KSR2: variants seen among roughly 807,000 people sequenced by gnomAD.
KSR2 encodes kinase suppressor of ras 2.
Under a neutral mutation model 107.8 loss-of-function variants are expected in KSR2, and 25 were observed. The ratio of observed to expected loss-of-function variants is 0.23; its 90% confidence interval spans 0.17 to 0.32. The LOEUF (loss-of-function observed/expected upper bound fraction) is 0.32. Among genes scored for constraint, KSR2 ranks in the 10% least tolerant of loss-of-function variants. KSR2 has a pLI of 1.00. For synonymous variants in KSR2, 480 were observed against 507.0 expected (o/e 0.95, Z 0.71); for missense variants, 887 against 1,268.9 (o/e 0.70, Z 4.57).
At chr12:117,688,520 C>A (rs61937662) in intron 4 of KSR2, among the ~76,000 whole-genome samples, 15,089 of 152,250 alleles carry the variant, frequency 0.099, 935 homozygotes, top group East Asian at 0.25. Flanking sequence ...CTCCCCAGAA[C>A]CACTCTCTGC....
At chr12:117,883,931 T>G (rs923650447) in intron 1 of KSR2, among the ~76,000 whole-genome samples, 4 of 147,226 alleles carry the variant, frequency 2.7e-5, no homozygotes, top group African/African-American at 1.0e-4. Context: ...AGGGGCTGGG[T>G]CAAGTAGAAC....
chr12:117,759,165 T>C (rs928408436), intron 4 of KSR2, among the ~76,000 whole-genome samples: 3 of 152,232 alleles, frequency 2.0e-5, no homozygotes, highest in Non-Finnish European at 4.4e-5. Flanking sequence ...CGTCAATCAC[T>C]GTAGGGCATT....
chr12:117,699,226 A>G (rs1042829156), intron 4 of KSR2, among the ~76,000 whole-genome samples: 11 of 152,242 alleles, frequency 7.2e-5, no homozygotes, highest in Non-Finnish European at 1.3e-4. Context: ...TCAGCATTCA[A>G]TAAATACCTC....
chr12:117,779,599 G>A (rs1330009443), intron 3 of KSR2, among the ~76,000 whole-genome samples: 2 of 152,148 alleles, frequency 1.3e-5, no homozygotes, highest in African/African-American at 4.8e-5. Flanking sequence ...CTGGTGGGAG[G>A]TGATTGGATC....
At chr12:117,527,326 G>T (rs7308318) in intron 12 of KSR2, among the ~76,000 whole-genome samples, 1 of 71,540 alleles carries the variant, frequency 1.4e-5, no homozygotes, top group African/African-American at 5.5e-5. Context: ...CACACACACA[G>T]ACACACACAC....
chr12:117,583,409 A>G (rs919328060), intron 5 of KSR2, among the ~76,000 whole-genome samples: 3 of 2,992 alleles, frequency 1.0e-3, no homozygotes, highest in Non-Finnish European at 1.5e-3. Context: ...GAGTGAGTGG[A>G]TGGATGGATG....
At chr12:117,749,026 T>A (rs1232492557) in intron 4 of KSR2, among the ~76,000 whole-genome samples, 2 of 150,776 alleles carry the variant, frequency 1.3e-5, no homozygotes, top group Non-Finnish European at 2.9e-5. Flanking sequence ...CACTAGCTCT[T>A]GTCCTTCAGC....
intron 1 of KSR2, among the ~76,000 whole-genome samples, chr12:117,905,419 C>T (rs1032181970): frequency 6.6e-6 from 1 of 152,024 alleles, no homozygotes; most frequent in Non-Finnish European, 1.5e-5. Flanking sequence ...AAATGTTTTG[C>T]CCGCGGACTC....
At chr12:117,775,892 C>A (rs191264868) in intron 3 of KSR2, among the ~76,000 whole-genome samples, 1 of 151,950 alleles carries the variant, frequency 6.6e-6, no homozygotes, top group African/African-American at 2.4e-5. Context: ...GCTATGAGGA[C>A]GCAAAGGCAT....
In KSR2 at chr12:117,573,524, C is replaced by CTTTT. The variant is rs35130903; in HGVS notation, c.1325+5591_1325+5594dup. The stretch of plus-strand genomic sequence containing the variant: ...AGCCTGTGTTCCTATCACATGTTAT[C>CTTTT]TTTTTTTTTTTTTTTTTTTTTGAGA... On this transcript the variant is annotated intron_variant, in intron 7 of 19. Transcript: ENST00000339824. Among the ~76,000 whole-genome samples the CTTTT allele has an allele frequency of 4.2e-4, 45 of 108,316 alleles. 1 individual carries two copies. Among genetic ancestry groups the CTTTT allele is most frequent in the African/African-American group, 8.2e-4 (22 of 26,856 alleles). The allele number at this position is 108,316 out of a possible 152,430, so 71.1% of individuals were successfully genotyped here. A position where few individuals can be genotyped will look rare whatever the true frequency, so the allele number is the denominator to read the frequency against.
At chr12:117,649,914 A>T (rs949097848) in intron 5 of KSR2, among the ~76,000 whole-genome samples, 11 of 152,192 alleles carry the variant, frequency 7.2e-5, no homozygotes, top group Admixed American at 5.2e-4. Context: ...CTGGGGTTGG[A>T]GGAGTGCTCC....
intron 14 of KSR2, among the ~76,000 whole-genome samples, chr12:117,520,679 CTTTA>C (rs1397252689): frequency 1.3e-5 from 2 of 152,210 alleles, no homozygotes; most frequent in Non-Finnish European, 2.9e-5. Flanking sequence ...TGCACCCACC[CTTTA>C]TTTTTGAGGC....
intron 7 of KSR2, among the ~76,000 whole-genome samples, chr12:117,562,054 C>T (rs1878159271): frequency 6.6e-6 from 1 of 151,948 alleles, no homozygotes; most frequent in African/African-American, 2.4e-5. Flanking sequence ...AAAAATATTA[C>T]AGGAAAATGG....
intron 16 of KSR2, among the ~76,000 whole-genome samples, chr12:117,480,340 G>A (rs1872100020): frequency 6.6e-6 from 1 of 152,142 alleles, no homozygotes; most frequent in South Asian, 2.1e-4. Context: ...GTGTGGTAGG[G>A]GGCTGGGAGA....
chr12:117,619,066 C>G (rs1483978630), intron 5 of KSR2, among the ~76,000 whole-genome samples: 15 of 152,196 alleles, frequency 9.9e-5, no homozygotes, highest in Admixed American at 9.2e-4. Flanking sequence ...CCAAAGATAA[C>G]TCCCACCTTC....
intron 3 of KSR2, among the ~76,000 whole-genome samples, chr12:117,849,867 C>T (rs540727206): frequency 3.8e-4 from 58 of 152,332 alleles, no homozygotes; most frequent in African/African-American, 1.3e-3. Context: ...AACAAACATG[C>T]ATCCAGCCCT....
chr12:117,674,465 C>T (rs1411153711), intron 4 of KSR2: 1 of 450,248 alleles, frequency 2.2e-6, no homozygotes, highest in African/African-American at 2.0e-5. Context: ...GTTCCAAATG[C>T]TCACCACTTC....
intron 1 of KSR2, among the ~76,000 whole-genome samples, chr12:117,941,406 C>T (rs1274636998): frequency 6.6e-6 from 1 of 152,042 alleles, no homozygotes; most frequent in Non-Finnish European, 1.5e-5. Flanking sequence ...TCTTCCTTGT[C>T]ATTGACATGA....
chr12:117,748,936 A>C (rs569485521), intron 4 of KSR2, among the ~76,000 whole-genome samples: 16 of 151,888 alleles, frequency 1.1e-4, no homozygotes, highest in Non-Finnish European at 1.9e-4. Context: ...TCTGGGGACA[A>C]CTGGGGCTGT....
Sources: gnomAD v4.1 joint callset for allele counts (sites outside exome capture counted in the v4.1 genomes callset) on GRCh38, gnomAD v4.1.1 for gene constraint, MANE v1.5 for transcripts, NCBI Gene and HGNC (gene_info 2026-07-23, HGNC 2026-07-21) for gene names.